ELP3: variants seen among roughly 807,000 people sequenced by gnomAD.
ELP3 encodes elongator complex protein 3.
In ELP3, 56 loss-of-function variants were observed where a neutral mutation model predicts 74.9. That is an observed-to-expected ratio of 0.75 (90% CI 0.60 to 0.93). The LOEUF is 0.93. Ranked by LOEUF, ELP3 falls within the 40% of genes least tolerant of loss-of-function variation. The pLI is 0.00. For missense variants in ELP3, 573 were observed against 686.5 expected, an observed-to-expected ratio of 0.83 and a Z score of 1.85; for synonymous variants, 222 against 239.8, an observed-to-expected ratio of 0.93 and a Z score of 0.68.
At chr8:28,115,403 TACAC>T (rs1236039472) in intron 7 of ELP3, among the ~76,000 whole-genome samples, 1 of 152,186 alleles carries the variant, frequency 6.6e-6, no homozygotes, top group African/African-American at 2.4e-5. Flanking sequence ...TTCATGCACA[TACAC>T]ACACACATAT....
intron 9 of ELP3, among the ~76,000 whole-genome samples, chr8:28,134,194 G>T (rs73557326): frequency 0.071 from 10,863 of 152,108 alleles, 778 homozygotes; most frequent in East Asian, 0.33. Flanking sequence ...CAGCTCCTAG[G>T]GAGACCAGTA....
intron 14 of ELP3, among the ~76,000 whole-genome samples, chr8:28,164,132 C>T (rs1261212963): frequency 2.0e-5 from 3 of 152,172 alleles, no homozygotes; most frequent in Admixed American, 6.5e-5. Context: ...TACATCATTT[C>T]GTCTGCCTTT....
intron 7 of ELP3, among the ~76,000 whole-genome samples, chr8:28,117,339 G>C (rs1451859807): frequency 6.6e-6 from 1 of 152,124 alleles, no homozygotes; most frequent in Non-Finnish European, 1.5e-5. Flanking sequence ...AAATGTTCTA[G>C]TGCTAATGGT....
intron 14 of ELP3, among the ~76,000 whole-genome samples, chr8:28,162,846 C>A (rs1814158011): frequency 6.6e-6 from 1 of 152,190 alleles, no homozygotes; most frequent in Non-Finnish European, 1.5e-5. Flanking sequence ...TTAGATCCCT[C>A]AAGGTGCCCC....
At chr8:28,176,623 T>G (rs988778666) in intron 14 of ELP3, among the ~76,000 whole-genome samples, 3 of 152,114 alleles carry the variant, frequency 2.0e-5, no homozygotes, top group Non-Finnish European at 4.4e-5. Flanking sequence ...GTTGCAATTA[T>G]TTTTTTTCCA....
chr8:28,123,910 A>G lies in ELP3; in HGVS notation c.618-5592A>G, dbSNP rs78867843. ...CCATGTTTCTTTATCTTGAAAATGC[A>G]TTTCTTTAGACAGAAGTCTACAGTA... On this transcript the variant is annotated intron_variant, in intron 7 of 14. Transcript: ENST00000256398. Among the ~76,000 whole-genome samples, 59 of 147,822 alleles carry G rather than the reference A, an allele frequency of 4.0e-4. 2 individuals carry two copies. The East Asian group carries it at 9.6e-3, about 24-fold the overall frequency.
chr8:28,152,659 A>G (rs2130527192), intron 10 of ELP3, among the ~76,000 whole-genome samples: 1 of 152,326 alleles, frequency 6.6e-6, no homozygotes, highest in Non-Finnish European at 1.5e-5. Context: ...TACAAAAATT[A>G]GCCGGGTGTG....
chr8:28,099,882 G>A lies in ELP3; in HGVS notation c.174G>A (p.Val58=). Residue 58 remains valine (V), a synonymous_variant, in exon 3 of 15, where the codon GTG becomes GTA. Coordinates refer to ENST00000256398, the MANE Select transcript of ELP3 (RefSeq NM_018091.6). ...KYGLSAQPRL[V]DIIAAVPPQY... ...GCCTTTCTGCCCAGCCCCGCCTGGT[G>A]GATATCATTGCTGCCGTCCCTCCTC... 2 of 1,614,222 alleles carry A rather than the reference G, an allele frequency of 1.2e-6. No individual in the cohort carries two copies. Among genetic ancestry groups the A allele is most frequent in the Non-Finnish European group, 1.7e-6 (2 of 1,180,040 alleles).
intron 10 of ELP3, among the ~76,000 whole-genome samples, chr8:28,141,559 C>G (rs933527316): frequency 6.6e-6 from 1 of 152,164 alleles, no homozygotes; most frequent in African/African-American, 2.4e-5. Flanking sequence ...TGTTAACTTC[C>G]TCATTTTGAT....
intron 14 of ELP3, among the ~76,000 whole-genome samples, chr8:28,188,694 C>G (rs867345310): frequency 1.6e-4 from 24 of 152,318 alleles, no homozygotes; most frequent in African/African-American, 5.3e-4. Flanking sequence ...CCTGGCTGTT[C>G]ACTTGTATCT....
At chr8:28,126,029 G>T in intron 7 of ELP3, among the ~76,000 whole-genome samples, 1 of 151,658 alleles carries the variant, frequency 6.6e-6, no homozygotes, top group African/African-American at 2.4e-5. Flanking sequence ...TTTAATCAAC[G>T]GAGAATTTTT....
intron 10 of ELP3, among the ~76,000 whole-genome samples, chr8:28,142,203 T>G (rs1465882623): frequency 6.6e-6 from 1 of 152,200 alleles, no homozygotes; most frequent in Admixed American, 6.5e-5. Flanking sequence ...TGGAGAACAC[T>G]TATATGATAC....
intron 1 of ELP3, among the ~76,000 whole-genome samples, chr8:28,094,691 G>C (rs558248250): frequency 3.3e-5 from 5 of 151,818 alleles, no homozygotes; most frequent in African/African-American, 4.8e-5. Flanking sequence ...GCAGTGAGCC[G>C]AGATCGCACC....
intron 10 of ELP3, among the ~76,000 whole-genome samples, chr8:28,143,848 T>C (rs1312868645): frequency 2.6e-5 from 4 of 152,176 alleles, no homozygotes; most frequent in Non-Finnish European, 4.4e-5. Flanking sequence ...CTTAAATCCT[T>C]TCTGGAACAA....
At chr8:28,177,664 C>G (rs1814815858) in intron 14 of ELP3, among the ~76,000 whole-genome samples, 1 of 152,180 alleles carries the variant, frequency 6.6e-6, no homozygotes, top group African/African-American at 2.4e-5. Context: ...AATTTTAATT[C>G]TGTCTAAGAA....
At chr8:28,187,751 T>C (rs1563296289) in intron 14 of ELP3, among the ~76,000 whole-genome samples, 1 of 152,104 alleles carries the variant, frequency 6.6e-6, no homozygotes, top group Non-Finnish European at 1.5e-5. Context: ...GGGAGCTTCC[T>C]GCGGAGGGAG....
chr8:28,106,465 G>A (rs555396405), intron 3 of ELP3, among the ~76,000 whole-genome samples: 109 of 150,120 alleles, frequency 7.3e-4, no homozygotes, highest in African/African-American at 2.2e-3. Context: ...GCGTGAACCC[G>A]GGAGGCGGAG....
chr8:28,105,091 TC>T (rs1186681469), intron 3 of ELP3, among the ~76,000 whole-genome samples: 1 of 152,156 alleles, frequency 6.6e-6, no homozygotes, highest in Non-Finnish European at 1.5e-5. Flanking sequence ...AATAAAATGT[TC>T]CAGGCTTGGC....
At chr8:28,143,490 C>T (rs967664559) in intron 10 of ELP3, among the ~76,000 whole-genome samples, 5 of 152,176 alleles carry the variant, frequency 3.3e-5, no homozygotes, top group African/African-American at 9.7e-5. Context: ...TGCATCTTTA[C>T]GTATCAGTAT....
Sources: gnomAD v4.1 joint callset for allele counts (sites outside exome capture counted in the v4.1 genomes callset) on GRCh38, gnomAD v4.1.1 for gene constraint, MANE v1.5 for transcripts, NCBI Gene and HGNC (gene_info 2026-07-23, HGNC 2026-07-21) for gene names.